CCDC7: variants seen among roughly 807,000 people sequenced by gnomAD.
CCDC7 encodes coiled-coil domain-containing protein 7.
A neutral mutation model predicts 196.9 loss-of-function variants in CCDC7; 183 were observed. That is an observed-to-expected ratio of 0.93 (90% CI 0.82 to 1.05). The LOEUF (loss-of-function observed/expected upper bound fraction) is 1.05, where lower values mean the gene tolerates loss of function less well. Among genes scored for constraint, CCDC7 ranks in the 50% least tolerant of loss-of-function variants. The pLI is 0.00. For missense variants in CCDC7, 1,540 were observed against 1,482.2 expected (o/e 1.04, Z -0.64); for synonymous variants, 525 against 484.6 (o/e 1.08, Z -1.10).
intron 3 of CCDC7, 79 bp from the exon 5 acceptor site, chr10:32,462,604 A>G (rs2035967314): frequency 1.7e-6 from 2 of 1,143,838 alleles, no homozygotes; most frequent in African/African-American, 1.6e-5. Context: ...GAAAATTGCA[A>G]AAGACTGAAC....
intron 11 of CCDC7, among the ~76,000 whole-genome samples, chr10:32,537,548 T>C (rs2050726586): frequency 6.6e-6 from 1 of 152,232 alleles, no homozygotes; most frequent in African/African-American, 2.4e-5. Flanking sequence ...TTTTGGCATC[T>C]TTATCATGAA....
At chr10:32,634,635 T>A (rs948374755) in intron 19 of CCDC7, among the ~76,000 whole-genome samples, 4 of 152,160 alleles carry the variant, frequency 2.6e-5, no homozygotes, top group African/African-American at 9.7e-5. Flanking sequence ...GACCTCGTGA[T>A]CCACCCACCT....
chr10:32,604,065 T>C lies in CCDC7; in HGVS notation c.1801+19761T>C, dbSNP rs116971096. Reference sequence around the variant, plus strand: ...GCATTTCTCCTGCGTTTTCTTCTAGTAGTTTTATAGTTTCAGGTCTTACAT... The same window carrying C: ...GCATTTCTCCTGCGTTTTCTTCTAGCAGTTTTATAGTTTCAGGTCTTACAT... On this transcript the variant is annotated intron_variant, in intron 18 of 41. Transcript: ENST00000639629. Among the ~76,000 whole-genome samples, 531 of 152,232 alleles carry C rather than the reference T, an allele frequency of 3.5e-3. 4 individuals are homozygous for C. The highest frequency in any genetic ancestry group is 5.2e-3 in the Non-Finnish European group (351 of 67,994).
chr10:32,553,612 C>T (rs561373351), intron 13 of CCDC7, among the ~76,000 whole-genome samples: 1 of 152,098 alleles, frequency 6.6e-6, no homozygotes, highest in Non-Finnish European at 1.5e-5. Flanking sequence ...GGGGTGTTCC[C>T]TTGATGTAGT....
intron 20 of CCDC7, among the ~76,000 whole-genome samples, chr10:32,647,095 C>T (rs2067898310): frequency 6.6e-6 from 1 of 152,106 alleles, no homozygotes; most frequent in African/African-American, 2.4e-5. Context: ...TCAGTATATA[C>T]CCAGTAATGG....
chr10:32,622,296 C>G (rs1224541134), intron 18 of CCDC7, among the ~76,000 whole-genome samples: 2 of 151,504 alleles, frequency 1.3e-5, no homozygotes, highest in African/African-American at 4.8e-5. Context: ...ATTTTTTTTT[C>G]TCAAATAGGT....
downstream of CCDC7, chr10:32,876,745 AT>A (rs2094605958): frequency 5.6e-6 from 1 of 180,160 alleles, no homozygotes; most frequent in African/African-American, 2.4e-5. Context: ...GATGTAAAAA[AT>A]ATATGACAAT....
chr10:32,650,739 G>A (rs1159636163), intron 20 of CCDC7, among the ~76,000 whole-genome samples: 2 of 152,020 alleles, frequency 1.3e-5, no homozygotes, highest in Non-Finnish European at 2.9e-5. Context: ...ACAGCCTGAG[G>A]GCTCTAGGGT....
At chr10:32,623,872 G>C (rs1193765925) in intron 18 of CCDC7, 1 of 439,962 alleles carries the variant, frequency 2.3e-6, no homozygotes, top group Non-Finnish European at 4.7e-6. Flanking sequence ...TGAACAACCA[G>C]ATTTCGCCTG....
chr10:32,849,712 A>G (rs1324952692), intron 39 of CCDC7, among the ~76,000 whole-genome samples: 1 of 151,606 alleles, frequency 6.6e-6, no homozygotes, highest in Non-Finnish European at 1.5e-5. Flanking sequence ...AAAAAAAAAA[A>G]AAAAAAAAGA....
At chr10:32,599,008 GTATC>G (rs1379250859) in intron 18 of CCDC7, among the ~76,000 whole-genome samples, 1 of 152,066 alleles carries the variant, frequency 6.6e-6, no homozygotes, top group East Asian at 1.9e-4. Context: ...TAAAAGAAGA[GTATC>G]TATATCTCCA....
chr10:32,750,765 C>T (rs892781349), intron 28 of CCDC7, among the ~76,000 whole-genome samples: 9 of 152,148 alleles, frequency 5.9e-5, no homozygotes, highest in African/African-American at 2.2e-4. Context: ...GAGATGTCTT[C>T]TCAGTTTACT....
chr10:32,759,412 T>G lies in CCDC7; in HGVS notation c.2906-19565T>G, dbSNP rs1327198151. The stretch of plus-strand genomic sequence containing the variant: ...AAAACAGAGATATGGACCAATGGAA[T>G]AGAATAGAGCCCTCAGAAATAATGC... On this transcript the variant is annotated intron_variant, in intron 28 of 41. Transcript: ENST00000639629. 9.9e-5 allele frequency among the ~76,000 whole-genome samples: 15 copies of G among 152,172 alleles called. No individual in the cohort carries two copies. The East Asian group carries it at 2.9e-3, about 29-fold the overall frequency.
intron 18 of CCDC7, among the ~76,000 whole-genome samples, chr10:32,633,223 A>G (rs1005366320): frequency 5.9e-5 from 9 of 152,068 alleles, no homozygotes; most frequent in Non-Finnish European, 1.0e-4. Flanking sequence ...GCACACACAC[A>G]CACACACACA....
At chr10:32,821,740 T>A (rs1362569831) in intron 31 of CCDC7, among the ~76,000 whole-genome samples, 2 of 151,510 alleles carry the variant, frequency 1.3e-5, no homozygotes, top group African/African-American at 4.9e-5. Flanking sequence ...ATGTTCTCTC[T>A]CATAGGTGGG....
intron 11 of CCDC7, among the ~76,000 whole-genome samples, chr10:32,524,049 G>T: frequency 6.9e-6 from 1 of 145,216 alleles, no homozygotes; most frequent in Non-Finnish European, 1.5e-5. Flanking sequence ...TTGTTTTACA[G>T]CCTTATCTTT....
chr10:32,549,106 G>A (rs185517361), intron 13 of CCDC7, among the ~76,000 whole-genome samples: 3 of 152,054 alleles, frequency 2.0e-5, no homozygotes, highest in African/African-American at 7.2e-5. Context: ...ATGGGCATTC[G>A]TGCAGGAGCA....
chr10:32,808,445 A>T (rs2086333433), intron 30 of CCDC7, among the ~76,000 whole-genome samples: 1 of 152,128 alleles, frequency 6.6e-6, no homozygotes. Flanking sequence ...TCAGCTAGCC[A>T]GTTGTAGCCA....
At chr10:32,817,462 A>G (rs189076041) in intron 31 of CCDC7, among the ~76,000 whole-genome samples, 2,130 of 152,266 alleles carry the variant, frequency 0.014, 15 homozygotes, top group Non-Finnish European at 0.018. Flanking sequence ...GCAGGCCAAC[A>G]TTCAAATTCA....
Sources: gnomAD v4.1 joint callset for allele counts (sites outside exome capture counted in the v4.1 genomes callset) on GRCh38, gnomAD v4.1.1 for gene constraint, MANE v1.5 for transcripts, NCBI Gene and HGNC (gene_info 2026-07-23, HGNC 2026-07-21) for gene names.